The following PRKCH variants were observed in gnomAD, a reference collection of about 807,000 sequenced individuals.
The protein encoded by PRKCH is protein kinase C eta type.
A neutral mutation model predicts 82.5 loss-of-function variants in PRKCH; 28 were observed. The ratio of observed to expected loss-of-function variants is 0.34; its 90% confidence interval spans 0.25 to 0.47. The LOEUF (loss-of-function observed/expected upper bound fraction) is 0.47. Among genes scored for constraint, PRKCH ranks in the 20% least tolerant of loss-of-function variants. The probability of loss-of-function intolerance (pLI) is 1.00; values close to 1 mark genes in which losing one functional copy is unlikely to be tolerated. For missense variants in PRKCH, 705 were observed against 881.8 expected (o/e 0.80, Z 2.54); for synonymous variants, 322 against 327.4 (o/e 0.98, Z 0.18).
chr14:61,496,515 T>G (rs1886675197), intron 10 of PRKCH, among the ~76,000 whole-genome samples: 1 of 152,200 alleles, frequency 6.6e-6, no homozygotes, highest in Non-Finnish European at 1.5e-5. Flanking sequence ...AGTCTCATCT[T>G]AGTCATCACC....
chr14:61,525,404 T>C (rs1418036493), intron 10 of PRKCH, among the ~76,000 whole-genome samples: 3 of 152,142 alleles, frequency 2.0e-5, no homozygotes, highest in East Asian at 1.9e-4. Context: ...TAAAATTAGA[T>C]TGAAATCAGG....
At chr14:61,389,708 A>AG (rs2046645693) in intron 1 of PRKCH, among the ~76,000 whole-genome samples, 1 of 152,012 alleles carries the variant, frequency 6.6e-6, no homozygotes, top group African/African-American at 2.4e-5. Flanking sequence ...CAAAAAAAAA[A>AG]AAAAAGAGAA....
rs540660778 is a variant in PRKCH at position 61,324,609 on chromosome 14, T to A, written c.363+2145T>A. On this transcript the variant is annotated intron_variant, in intron 1 of 13. Transcript: ENST00000332981. The stretch of plus-strand genomic sequence containing the variant: ...TGCATGCTTTTTTAAAAAAGTATCC[T>A]TTATAGGTTCAAAAATGCTTTAAAA... Among the ~76,000 whole-genome samples, 5 of 152,222 alleles carry A rather than the reference T, an allele frequency of 3.3e-5. No homozygotes were observed. In the East Asian group the frequency reaches 9.7e-4, roughly 29 times the overall value.
At chr14:61,427,405 A>G (rs916872779) in intron 2 of PRKCH, among the ~76,000 whole-genome samples, 1 of 152,208 alleles carries the variant, frequency 6.6e-6, no homozygotes, top group African/African-American at 2.4e-5. Flanking sequence ...GAAAAGTGCT[A>G]GACTCAACAG....
chr14:61,242,107 A>G (rs1384685591), intron 1 of PRKCH, among the ~76,000 whole-genome samples: 1 of 152,208 alleles, frequency 6.6e-6, no homozygotes, highest in Non-Finnish European at 1.5e-5. Context: ...GAGGTGATAT[A>G]TTTCTAAATA....
At chr14:61,441,812 T>G (rs533918203) in intron 2 of PRKCH, among the ~76,000 whole-genome samples, 1 of 151,580 alleles carries the variant, frequency 6.6e-6, no homozygotes, top group Non-Finnish European at 1.5e-5. Flanking sequence ...GAGTTTATTA[T>G]CCCTTTAAAA....
At chr14:61,409,383 G>A (rs967364077) in intron 2 of PRKCH, among the ~76,000 whole-genome samples, 1 of 152,108 alleles carries the variant, frequency 6.6e-6, no homozygotes, top group Admixed American at 6.5e-5. Context: ...GAAATGCAAT[G>A]AGAACCTTCT....
chr14:61,287,609 C>G (rs1034234863), intron 1 of PRKCH, among the ~76,000 whole-genome samples: 1 of 152,010 alleles, frequency 6.6e-6, no homozygotes, highest in Non-Finnish European at 1.5e-5. Flanking sequence ...TCTTGGGAAG[C>G]CGAGGCATGA....
intron 1 of PRKCH, among the ~76,000 whole-genome samples, chr14:61,273,767 T>A (rs2045178794): frequency 6.6e-6 from 1 of 152,240 alleles, no homozygotes; most frequent in African/African-American, 2.4e-5. Context: ...CATCTCTGCA[T>A]CTTACATTAT....
intron 1 of PRKCH, among the ~76,000 whole-genome samples, chr14:61,290,459 C>T (rs932683845): frequency 1.3e-5 from 2 of 152,032 alleles, no homozygotes; most frequent in Non-Finnish European, 2.9e-5. Context: ...GGATGGTGCT[C>T]GGTCAAGGCA....
chr14:61,476,040 A>T (rs968877112), intron 9 of PRKCH, among the ~76,000 whole-genome samples: 38 of 152,248 alleles, frequency 2.5e-4, no homozygotes, highest in African/African-American at 8.7e-4. Context: ...ATAAAGGAAA[A>T]TATAGCATCA....
intron 1 of PRKCH, among the ~76,000 whole-genome samples, chr14:61,248,896 G>T (rs1391496738): frequency 6.6e-6 from 1 of 152,030 alleles, no homozygotes; most frequent in Non-Finnish European, 1.5e-5. Flanking sequence ...CTGCCTCCCG[G>T]ATTCAAGCAA....
At chr14:61,389,097 T>C (rs1233915351) in intron 1 of PRKCH, among the ~76,000 whole-genome samples, 3 of 152,212 alleles carry the variant, frequency 2.0e-5, no homozygotes, top group Admixed American at 1.3e-4. Flanking sequence ...TGAGATTGGC[T>C]GGGCATGGTG....
chr14:61,533,981 A>G lies in PRKCH; in HGVS notation c.1761+3386A>G, dbSNP rs959061024. 2.6e-5 allele frequency among the ~76,000 whole-genome samples: 4 copies of G among 152,232 alleles called. 1 individual carries two copies. Among genetic ancestry groups the G allele is most frequent in the Non-Finnish European group, 5.9e-5 (4 of 68,034 alleles). The stretch of plus-strand genomic sequence containing the variant: ...AGGCCAATATAGTTATTTTACTACC[A>G]GAAGAAAACTTAGAGATTGTCCCTT... On this transcript the variant is annotated intron_variant, in intron 12 of 13. Transcript: ENST00000332981.
At chr14:61,221,331 T>G (rs1275668197) in intron 1 of PRKCH, among the ~76,000 whole-genome samples, 1 of 152,218 alleles carries the variant, frequency 6.6e-6, no homozygotes, top group African/African-American at 2.4e-5. Flanking sequence ...GGGTTACAAG[T>G]ATAGACAAAA....
At chr14:61,297,707 G>A (rs111293541) in intron 1 of PRKCH, among the ~76,000 whole-genome samples, 1,940 of 152,240 alleles carry the variant, frequency 0.013, 33 homozygotes, top group Non-Finnish European at 0.015. Context: ...CTGATCTGAC[G>A]GGAAGTGGAG....
At chr14:61,547,912 A>G (rs777348414) in intron 13 of PRKCH, 26 bp downstream of exon 13, 119 of 1,607,328 alleles carry the variant, frequency 7.4e-5, no homozygotes, top group Non-Finnish European at 9.4e-5. Context: ...TGTCACAGAG[A>G]CATTCCTTTC....
At chr14:61,471,929 G>A (rs1885523618) in intron 9 of PRKCH, among the ~76,000 whole-genome samples, 1 of 152,146 alleles carries the variant, frequency 6.6e-6, no homozygotes, top group Non-Finnish European at 1.5e-5. Flanking sequence ...TCTTTTTATA[G>A]AAGCCAAAGC....
At chr14:61,528,743 A>G (rs777363776) in intron 10 of PRKCH, 1 of 189,254 alleles carries the variant, frequency 5.3e-6, no homozygotes, top group Non-Finnish European at 1.1e-5. Context: ...AGGATGGGGT[A>G]TAGGCTGAGT....
Sources: gnomAD v4.1 joint callset for allele counts (sites outside exome capture counted in the v4.1 genomes callset) on GRCh38, gnomAD v4.1.1 for gene constraint, MANE v1.5 for transcripts, NCBI Gene and HGNC (gene_info 2026-07-23, HGNC 2026-07-21) for gene names.